Variants in MAP4K2 observed in about 807,000 individuals in gnomAD.
The protein encoded by MAP4K2 is mitogen-activated protein kinase kinase kinase kinase 2, also known as B lymphocyte serine/threonine protein kinase.
Under a neutral mutation model 125.3 loss-of-function variants are expected in MAP4K2, and 85 were observed. The ratio of observed to expected loss-of-function variants is 0.68; its 90% CI spans 0.57 to 0.81. The LOEUF is 0.81. Among genes scored for constraint, MAP4K2 ranks in the 40% least tolerant of loss-of-function variants. MAP4K2 has a pLI of 0.00. For synonymous variants in MAP4K2, 479 were observed against 445.1 expected, an observed-to-expected ratio of 1.08 and a Z score of -0.96; for missense variants, 923 against 1,056.4, an observed-to-expected ratio of 0.87 and a Z score of 1.75.
intron 27 of MAP4K2, among the ~76,000 whole-genome samples, chr11:64,791,556 A>G (rs780525537): frequency 6.6e-6 from 1 of 152,108 alleles, no homozygotes; most frequent in Non-Finnish European, 1.5e-5. Context: ...TTTTTTGTAG[A>G]GTCAGGGTCT....
rs766051772 is a variant in MAP4K2, at chr11:64,792,191, T to C, written c.1895A>G (p.Gln632Arg). Residue 632 changes from glutamine (Q) to arginine (R), a missense_variant, in exon 26 of 32, where the codon CAG becomes CGG. Coordinates refer to ENST00000294066, the MANE Select transcript of MAP4K2 (RefSeq NM_004579.5). ...LLLLQWYEPL[Q>R]KFLLLKNFSS... ...CCTCACCTTCAGCAGCAGAAACTTC[T>C]GCAGCGGCTCATACCACTGCAGCAG... 12 of 1,611,554 alleles carry C rather than the reference T, an allele frequency of 7.4e-6. No individual in the cohort carries two copies. The highest frequency in any genetic ancestry group is 2.2e-5 in the South Asian group (2 of 90,770).
chr11:64,793,935 G>T (rs529590045), intron 24 of MAP4K2, among the ~76,000 whole-genome samples: 1 of 152,134 alleles, frequency 6.6e-6, no homozygotes, highest in Non-Finnish European at 1.5e-5. Context: ...CAAGGCCACC[G>T]GGCTCCAGAT....
At chr11:64,792,144 C>T (rs1940523581) in intron 26 of MAP4K2, 28 bp downstream of exon 26, 8 of 1,589,840 alleles carry the variant, frequency 5.0e-6, no homozygotes, top group Non-Finnish European at 6.8e-6. Flanking sequence ...TCTGAGGGTG[C>T]CCTGGGCCTC....
At position 64,797,355 on chromosome 11, in the gene MAP4K2, A is replaced by T. The variant is rs777776359; in HGVS notation, c.1196T>A (p.Met399Lys). 1.3e-6 allele frequency: 2 copies of T among 1,595,092 alleles called. No homozygotes were observed. Residue 399 changes from methionine to lysine, a missense_variant, in exon 18 of 32, where the codon ATG becomes AAG. Transcript: ENST00000294066. ...GAACGGGGCCCGCTTGATGGTTCCCATGGTATCGTCTGGGGAGTCCAGCTC... is the reference window on the plus strand; with the variant it reads ...GAACGGGGCCCGCTTGATGGTTCCCTTGGTATCGTCTGGGGAGTCCAGCTC... ...FQELDSPDDT[M>K]GTIKRAPFLG... is the part of the protein sequence containing the mutation.
intron 24 of MAP4K2, among the ~76,000 whole-genome samples, chr11:64,794,638 G>C (rs1200006761): frequency 6.6e-6 from 1 of 152,170 alleles, no homozygotes; most frequent in Non-Finnish European, 1.5e-5. Flanking sequence ...GATTACAGGC[G>C]TGAGCCACTG....
In MAP4K2 at chr11:64,802,325, C is replaced by G. The variant is rs112422694; in HGVS notation, c.310+94G>C. ...ACAGCCAGGCAGGAGTGGAGAGGAG[C>G]CCAAGTCCAGGGCCCAGAGTCCCCT... On this transcript the variant is annotated intron_variant, in intron 4 of 31. Coordinates refer to ENST00000294066, the MANE Select transcript of MAP4K2 (RefSeq NM_004579.5). 29 of 1,348,024 alleles carry G rather than the reference C, an allele frequency of 2.2e-5. 1 individual carries two copies. The highest frequency in any genetic ancestry group is 8.7e-5 in the African/African-American group (6 of 68,696). The allele number at this position is 1,348,024 out of a possible 1,614,324, so 83.5% of individuals were successfully genotyped here. A position where few individuals can be genotyped will look rare whatever the true frequency, so the allele number is the denominator to read the frequency against.
At position 64,801,568 on chromosome 11, in the gene MAP4K2, AG is replaced by A; in HGVS notation, c.457+10del. 1 of 1,613,940 alleles carries A rather than the reference AG, an allele frequency of 6.2e-7. No individual in the cohort carries two copies. Among genetic ancestry groups the A allele is most frequent in the Non-Finnish European group, 8.5e-7 (1 of 1,179,910 alleles). Reference sequence around the variant, plus strand: ...GAGCCCTCACCCTGATGGTGTCCCCAGGGTACTGACCCAGTTTGACATCTCC... The same window carrying A: ...GAGCCCTCACCCTGATGGTGTCCCCAGGTACTGACCCAGTTTGACATCTCC... On this transcript the variant is annotated intron_variant, in intron 7 of 31. Coordinates refer to ENST00000294066, the MANE Select transcript of MAP4K2 (RefSeq NM_004579.5).
chr11:64,798,821 G>A lies in MAP4K2; in HGVS notation c.1070C>T (p.Thr357Ile). The change falls in exon 15 of 32, where the codon ACA becomes ATA. Residue 357 changes from threonine (T) to isoleucine (I), a missense_variant. By Grantham distance (89) the Thr-to-Ile change is moderately conservative. Coordinates refer to ENST00000294066, the MANE Select transcript of MAP4K2 (RefSeq NM_004579.5). ...ACTCAACTCTTCCTTTCCCAGTAGT[G>A]TCCACTCTTCCTCCCACTGGGGGAA... ...PLNEPWEEEW[T>I]LLGKEELSGS... 6.2e-7 allele frequency: 1 copy of A among 1,607,926 alleles called. No individual in the cohort carries two copies. The highest frequency in any genetic ancestry group is 1.7e-5 in the Admixed American group (1 of 59,252).
intron 23 of MAP4K2, 24 bp from the exon 24 acceptor site, chr11:64,796,414 G>A (rs757700666): frequency 4.3e-6 from 7 of 1,613,372 alleles, no homozygotes; most frequent in Non-Finnish European, 5.9e-6. Context: ...AAGAGGCCAG[G>A]CCTGGGGTGT....
chr11:64,794,297 C>T (rs1940662485), intron 24 of MAP4K2, among the ~76,000 whole-genome samples: 1 of 152,240 alleles, frequency 6.6e-6, no homozygotes, highest in South Asian at 2.1e-4. Flanking sequence ...CTTTCTCTTT[C>T]ATCAGGAAAT....
rs1940409016 is a variant in MAP4K2 at position 64,790,411 on chromosome 11, AT to A, written c.2143del (p.Ile715SerfsTer2). ...QQVIQVDRDT[I>X]LVSFERCVRI... The stretch of plus-strand genomic sequence containing the variant: ...GCACTCACGTTCAAAGCTGACTAGG[AT>A]TGTGTCCCTGTCCACCTGGATCACC... On this transcript the variant is annotated frameshift_variant, in exon 28 of 32. Transcript: ENST00000294066. LOFTEE classifies it high-confidence loss of function. 6.2e-7 allele frequency: 1 copy of A among 1,614,042 alleles called. No homozygotes were observed. The highest frequency in any genetic ancestry group is 8.5e-7 in the Non-Finnish European group (1 of 1,179,998).
rs1940985988 is a variant in MAP4K2 at position 64,798,822 on chromosome 11, T to G, written c.1069A>C (p.Thr357Pro). 1 of 1,607,248 alleles carries G rather than the reference T, an allele frequency of 6.2e-7. No individual in the cohort carries two copies. Among genetic ancestry groups the G allele is most frequent in the Non-Finnish European group, 8.5e-7 (1 of 1,176,590 alleles). The part of the protein sequence containing the change: ...PLNEPWEEEW[T>P]LLGKEELSGS... ...CTCAACTCTTCCTTTCCCAGTAGTG[T>G]CCACTCTTCCTCCCACTGGGGGAAA... Residue 357 changes from threonine to proline, a missense_variant, in exon 15 of 32, where the codon ACA becomes CCA. Thr to Pro is a conservative substitution (Grantham distance 38). Coordinates refer to ENST00000294066, the MANE Select transcript of MAP4K2 (RefSeq NM_004579.5).
chr11:64,800,302 GC>G lies in MAP4K2; in HGVS notation c.807+8del, dbSNP rs747260577. Reference sequence around the variant, plus strand: ...TACTGGGCCTCTCTCCCGGCCCCCTGCCTCCCACCTGCAGGAGCTTCTCTGC... The same window carrying G: ...TACTGGGCCTCTCTCCCGGCCCCCTGCTCCCACCTGCAGGAGCTTCTCTGC... On this transcript the variant is annotated splice_region_variant and intron_variant, in intron 11 of 31. Transcript: ENST00000294066. 38 of 1,613,750 alleles carry G rather than the reference GC, an allele frequency of 2.4e-5. No individual in the cohort carries two copies. The highest frequency in any genetic ancestry group is 3.1e-5 in the Non-Finnish European group (36 of 1,180,010).
chr11:64,791,440 G>T (rs1940468501), intron 27 of MAP4K2, among the ~76,000 whole-genome samples: 1 of 152,314 alleles, frequency 6.6e-6, no homozygotes, highest in African/African-American at 2.4e-5. Context: ...GGAGTGCAGT[G>T]GCGCGAACAT....
At chr11:64,801,231 C>T (rs774443010) in intron 7 of MAP4K2, 48 bp from the exon 8 acceptor site, 2 of 1,587,778 alleles carry the variant, frequency 1.3e-6, no homozygotes, top group Non-Finnish European at 1.7e-6. Context: ...CTGCCACTCA[C>T]CCTCCCACGC....
intron 5 of MAP4K2, 120 bp downstream of exon 5, chr11:64,801,946 C>T (rs1941206320): frequency 1.7e-6 from 2 of 1,198,754 alleles, no homozygotes; most frequent in South Asian, 1.4e-5. Context: ...TCCCCAGGAC[C>T]TACAGCCCCT....
At position 64,800,992 on chromosome 11, in the gene MAP4K2, G is replaced by C; in HGVS notation, c.570C>G (p.Gly190=). The C allele has an allele frequency of 6.2e-7, 1 of 1,613,966 alleles. No individual in the cohort carries two copies. Among genetic ancestry groups the C allele is most frequent in the Non-Finnish European group, 8.5e-7 (1 of 1,180,002 alleles). The change falls in exon 9 of 32, where the codon GGC becomes GGG. Residue 190 remains glycine, a synonymous_variant. Coordinates refer to ENST00000294066, the MANE Select transcript of MAP4K2 (RefSeq NM_004579.5). ...PEVAAVERKG[G]YNELCDVWAL... ...CCCAGACGTCACATAGCTCATTGTA[G>C]CCACCTTTGCGCTCCACAGCAGCCA...
Position 64,785,251 on chromosome 11 carries a change from A to G in MAP4K2, c.*4286T>C, listed in dbSNP as rs1592563870. ...GCAGGAGGGTGGGCTTACCAAGGGC[A>G]TGGGAAACTTTCCAGAGTGAAGGGG... On this transcript the variant is annotated 3_prime_UTR_variant, in exon 32 of 32. Transcript: ENST00000294066. 6.6e-6 allele frequency: 1 copy of G among 152,276 alleles called. No homozygotes were observed. Among genetic ancestry groups the G allele is most frequent in the South Asian group, 2.1e-4 (1 of 4,832 alleles). The allele number at this position is 152,276 out of a possible 1,614,324, so 9.4% of individuals were successfully genotyped here.
In MAP4K2 at chr11:64,796,692, G is replaced by GC; in HGVS notation, c.1513dup (p.Ala505GlyfsTer12). The GC allele has an allele frequency of 6.2e-7, 1 of 1,614,058 alleles. No individual in the cohort carries two copies. Among genetic ancestry groups the GC allele is most frequent in the Non-Finnish European group, 8.5e-7 (1 of 1,180,032 alleles). ...GTTGAGTGTGTAGATGCCTTCCTCG[G>GC]CCCCTACCACCAGGAACTGGTCTGC... On this transcript the variant is annotated frameshift_variant, in exon 22 of 32. Transcript: ENST00000294066. LOFTEE classifies it high-confidence loss of function.
Sources: allele counts gnomAD v4.1 joint callset (sites outside exome capture counted in the v4.1 genomes callset), GRCh38; gene constraint gnomAD v4.1.1; transcripts MANE v1.5; gene names NCBI Gene and HGNC (gene_info 2026-07-23, HGNC 2026-07-21).